CELF2: variants seen among roughly 807,000 people sequenced by gnomAD.
CELF2 encodes CUGBP Elav-like family member 2.
A neutral mutation model predicts 62.6 loss-of-function variants in CELF2; 8 were observed. The ratio of observed to expected loss-of-function variants is 0.13; its 90% CI spans 0.07 to 0.23. The LOEUF is 0.23. Among genes scored for constraint, CELF2 ranks in the 10% least tolerant of loss-of-function variants. CELF2 has a pLI of 1.00. For synonymous variants in CELF2, 258 were observed against 250.0 expected, an observed-to-expected ratio of 1.03 and a Z score of -0.30; for missense variants, 333 against 671.0, an observed-to-expected ratio of 0.50 and a Z score of 5.56.
chr10:11,196,901 G>A lies in CELF2; in HGVS notation c.272-20524G>A, dbSNP rs188311455. Among the ~76,000 whole-genome samples the A allele has an allele frequency of 4.0e-3, 604 of 150,748 alleles. 8 individuals are homozygous for A. Among genetic ancestry groups the A allele is most frequent in the Admixed American group, 9.0e-3 (136 of 15,142 alleles). On this transcript the variant is annotated intron_variant, in intron 2 of 12. Transcript: ENST00000633077. ...TTGAACCTGGGAGGCGGAGGTTGCA[G>A]TGAGCCGAGATCGCACCACTGCACT...
chr10:11,062,680 C>T (rs923641458), intron 1 of CELF2, among the ~76,000 whole-genome samples: 3 of 152,274 alleles, frequency 2.0e-5, no homozygotes, highest in East Asian at 1.9e-4. Context: ...GCAAAGAAAT[C>T]GGTTTCTGGA....
the CELF2 span, among the ~76,000 whole-genome samples, chr10:10,597,226 G>C: frequency 6.6e-6 from 1 of 152,186 alleles, no homozygotes; most frequent in Non-Finnish European, 1.5e-5. Context: ...AACCAAAGAG[G>C]CCCAATGAGT....
chr10:11,119,195 TC>T (rs1449759270), intron 1 of CELF2, among the ~76,000 whole-genome samples: 1 of 152,148 alleles, frequency 6.6e-6, no homozygotes, highest in Non-Finnish European at 1.5e-5. Flanking sequence ...ACATTTTTTT[TC>T]CCCTTAAACT....
At chr10:11,150,538 CCATT>C (rs1464780205) in intron 1 of CELF2, among the ~76,000 whole-genome samples, 3 of 152,198 alleles carry the variant, frequency 2.0e-5, no homozygotes, top group Non-Finnish European at 2.9e-5. Flanking sequence ...ACTTTTGACA[CCATT>C]CAAAGTGGAG....
intron 1 of CELF2, among the ~76,000 whole-genome samples, chr10:10,853,640 G>GA (rs369290510): frequency 0.016 from 2,303 of 147,160 alleles, 72 homozygotes; most frequent in African/African-American, 0.054. Context: ...AAGTCCAATA[G>GA]AAAAAAAAAA....
chr10:11,326,629 C>T (rs557168355), intron 12 of CELF2, among the ~76,000 whole-genome samples: 37 of 152,252 alleles, frequency 2.4e-4, no homozygotes, highest in Admixed American at 2.4e-3. Flanking sequence ...GGGATGCTCA[C>T]AGAATGGACT....
chr10:10,885,102 G>A (rs540163502), intron 1 of CELF2, among the ~76,000 whole-genome samples: 1 of 152,222 alleles, frequency 6.6e-6, no homozygotes, highest in South Asian at 2.1e-4. Flanking sequence ...CATTAGCTGA[G>A]CGTGGTGGTG....
the CELF2 span, among the ~76,000 whole-genome samples, chr10:10,513,784 G>C: frequency 2.0e-5 from 3 of 152,134 alleles, no homozygotes; most frequent in Admixed American, 6.5e-5. Context: ...TTCTGCATTA[G>C]ACCCATAGAA....
At chr10:10,481,449 C>G in the CELF2 span, among the ~76,000 whole-genome samples, 1 of 152,128 alleles carries the variant, frequency 6.6e-6, no homozygotes. Flanking sequence ...AAACAGACTT[C>G]TTTGGGGAAA....
rs148192521 is a variant in CELF2 at position 11,276,059 on chromosome 10, G to A, written c.841+939G>A. ...ATGAAACCTACATGTGCAGAATGAA[G>A]CGTTTTTTCGTTGTCATCATGAAAA... On this transcript the variant is annotated intron_variant, in intron 8 of 12. Coordinates refer to ENST00000633077, the MANE Select transcript of CELF2 (RefSeq NM_001326342.2). 5.9e-5 allele frequency among the ~76,000 whole-genome samples: 9 copies of A among 152,284 alleles called. No homozygotes were observed. In the East Asian group the frequency reaches 1.7e-3, roughly 29 times the overall value.
At chr10:10,760,673 G>C in the CELF2 span, among the ~76,000 whole-genome samples, 4 of 152,162 alleles carry the variant, frequency 2.6e-5, no homozygotes, top group Non-Finnish European at 5.9e-5. Flanking sequence ...AGATTTCCTA[G>C]TGAAATGACA....
At chr10:10,651,689 A>C in the CELF2 span, among the ~76,000 whole-genome samples, 1 of 151,464 alleles carries the variant, frequency 6.6e-6, no homozygotes, top group African/African-American at 2.4e-5. Flanking sequence ...ACTAACAAAC[A>C]GAAAAGACAT....
chr10:10,891,786 TATC>T (rs1221072062), intron 1 of CELF2, among the ~76,000 whole-genome samples: 2 of 152,224 alleles, frequency 1.3e-5, no homozygotes, highest in African/African-American at 2.4e-5. Flanking sequence ...TTCTGTCACT[TATC>T]ACCTCTGTGA....
intron 2 of CELF2, among the ~76,000 whole-genome samples, chr10:11,197,025 A>AAAG (rs1554936315): frequency 0.078 from 2,043 of 26,062 alleles, 513 homozygotes; most frequent in African/African-American, 0.22. Flanking sequence ...AGAAAGAAAG[A>AAAG]AAAGAAAGAA....
chr10:10,499,874 G>A, the CELF2 span, among the ~76,000 whole-genome samples: 17 of 152,236 alleles, frequency 1.1e-4, no homozygotes, highest in African/African-American at 3.6e-4. Flanking sequence ...TAAGACTCTT[G>A]TCTTGTGGGG....
intron 5 of CELF2, among the ~76,000 whole-genome samples, chr10:11,259,624 G>C (rs1468161646): frequency 6.6e-6 from 1 of 152,264 alleles, no homozygotes; most frequent in South Asian, 2.1e-4. Context: ...GCCATCGTCA[G>C]GGGCAAGCAA....
intron 1 of CELF2, chr10:11,030,769 T>C (rs771983629): frequency 6.6e-6 from 1 of 152,220 alleles, no homozygotes; most frequent in East Asian, 1.9e-4. Flanking sequence ...CCAGCAATCT[T>C]CTACTTGTTC....
At chr10:10,729,998 T>C in the CELF2 span, among the ~76,000 whole-genome samples, 1 of 152,194 alleles carries the variant, frequency 6.6e-6, no homozygotes, top group South Asian at 2.1e-4. Context: ...CTCTTCAGTT[T>C]TCAATGCACT....
At chr10:10,689,164 T>C in the CELF2 span, among the ~76,000 whole-genome samples, 1 of 152,178 alleles carries the variant, frequency 6.6e-6, no homozygotes. Flanking sequence ...AGAGGTTTAA[T>C]TGGCTCACAG....
Sources: allele counts gnomAD v4.1 joint callset (sites outside exome capture counted in the v4.1 genomes callset), GRCh38; gene constraint gnomAD v4.1.1; transcripts MANE v1.5; gene names NCBI Gene and HGNC (gene_info 2026-07-23, HGNC 2026-07-21).